Variants in FAM184A observed in about 807,000 individuals in gnomAD.
FAM184A encodes family with sequence similarity 184 member A, also known as protein FAM184A.
In FAM184A, 99 loss-of-function variants were observed where a neutral mutation model predicts 143.8. The observed-to-expected ratio is 0.69, with a 90% CI of 0.58 to 0.81. The LOEUF (loss-of-function observed/expected upper bound fraction) is 0.81. Among genes scored for constraint, FAM184A ranks in the 40% least tolerant of loss-of-function variants. The pLI is 0.00. For missense variants in FAM184A, 1,217 were observed against 1,310.5 expected, an observed-to-expected ratio of 0.93 and a Z score of 1.10; for synonymous variants, 427 against 446.4, an observed-to-expected ratio of 0.96 and a Z score of 0.55.
chr6:119,131,101 C>T (rs993255898), intron 1 of FAM184A, among the ~76,000 whole-genome samples: 1 of 152,016 alleles, frequency 6.6e-6, no homozygotes, highest in Admixed American at 6.6e-5. Flanking sequence ...TCAGGTGATC[C>T]ACCCTTCTCT....
chr6:119,136,207 A>G lies in FAM184A; in HGVS notation c.-202+12871T>C, dbSNP rs992986403. Among the ~76,000 whole-genome samples, 79 of 143,128 alleles carry G rather than the reference A, an allele frequency of 5.5e-4. 3 individuals are homozygous for G. Among genetic ancestry groups the G allele is most frequent in the Non-Finnish European group, 1.1e-4 (7 of 66,398 alleles). The allele number at this position is 143,128 out of a possible 152,430, so 93.9% of individuals were successfully genotyped here. On this transcript the variant is annotated intron_variant, in intron 1 of 16. Coordinates refer to the FAM184A transcript ENST00000352896. ...GCAGGAGAATGGCGTGAACCCGGGA[A>G]GCGGAGCTTGCAGTGAGCCGAGATT...
intron 1 of FAM184A, among the ~76,000 whole-genome samples, chr6:119,090,575 C>T (rs550906631): frequency 2.6e-5 from 4 of 152,184 alleles, no homozygotes; most frequent in Non-Finnish European, 5.9e-5. Flanking sequence ...CATTTTTGCT[C>T]TATATGAAAT....
chr6:119,144,853 C>T (rs1772371297), intron 1 of FAM184A, among the ~76,000 whole-genome samples: 1 of 152,192 alleles, frequency 6.6e-6, no homozygotes, highest in Admixed American at 6.5e-5. Flanking sequence ...GTTTGCACCC[C>T]TGCTTGTCTT....
intron 1 of FAM184A, among the ~76,000 whole-genome samples, chr6:119,051,048 C>A (rs1201434629): frequency 6.6e-6 from 1 of 152,074 alleles, no homozygotes; most frequent in African/African-American, 2.4e-5. Context: ...GGGTACTAGG[C>A]TTAACACCTG....
At chr6:119,006,020 A>T (rs542002082) in intron 7 of FAM184A, 1 of 715,934 alleles carries the variant, frequency 1.4e-6, no homozygotes, top group African/African-American at 1.7e-5. Context: ...CTTTATTTGG[A>T]AATACAGTCA....
chr6:118,986,508 A>G (rs1784201575), intron 9 of FAM184A, among the ~76,000 whole-genome samples: 2 of 152,242 alleles, frequency 1.3e-5, no homozygotes, highest in Non-Finnish European at 2.9e-5. Context: ...GCACTCTGAC[A>G]AAGTCATGTT....
At chr6:119,042,093 G>A (rs150944238) in intron 1 of FAM184A, among the ~76,000 whole-genome samples, 2 of 152,222 alleles carry the variant, frequency 1.3e-5, no homozygotes, top group East Asian at 3.9e-4. Context: ...CAGAACTGAC[G>A]GTACATGGCA....
At chr6:119,084,000 T>G (rs951893656) in intron 1 of FAM184A, among the ~76,000 whole-genome samples, 1 of 152,128 alleles carries the variant, frequency 6.6e-6, no homozygotes, top group Non-Finnish European at 1.5e-5. Flanking sequence ...CAGTTCCACA[T>G]TCTGGGGAGA....
At chr6:119,134,563 AG>A in intron 1 of FAM184A, among the ~76,000 whole-genome samples, 1 of 150,880 alleles carries the variant, frequency 6.6e-6, no homozygotes, top group African/African-American at 2.4e-5. Context: ...CTGAAGCAGG[AG>A]GATCACTTGA....
intron 14 of FAM184A, among the ~76,000 whole-genome samples, chr6:118,970,009 T>TATATATATATATATATA (rs1491454245): frequency 2.6e-4 from 6 of 23,272 alleles, no homozygotes; most frequent in Non-Finnish European, 8.2e-5. Context: ...TATATATATA[T>TATATATATATATATATA]TTTTTTTTTT....
intron 1 of FAM184A, among the ~76,000 whole-genome samples, chr6:119,127,313 G>A (rs1789396718): frequency 6.6e-6 from 1 of 152,158 alleles, no homozygotes; most frequent in Non-Finnish European, 1.5e-5. Context: ...TTGAAAAACT[G>A]GGAAAAGGTG....
intron 5 of FAM184A, among the ~76,000 whole-genome samples, chr6:119,014,764 A>C (rs1785186885): frequency 6.6e-6 from 1 of 152,196 alleles, no homozygotes; most frequent in South Asian, 2.1e-4. Flanking sequence ...AAACCATCAA[A>C]ATGAAGGAAA....
In FAM184A at chr6:119,003,640, T is replaced by C. The variant is rs1483813034; in HGVS notation, c.1816-18A>G. On this transcript the variant is annotated intron_variant, in intron 7 of 17. Transcript: ENST00000338891. Reference sequence around the variant, plus strand: ...AGCTCACCCTGAAGAATAAAAACTTTTCAATGAAGACTAAACTTCAAAAAC... The same window carrying C: ...AGCTCACCCTGAAGAATAAAAACTTCTCAATGAAGACTAAACTTCAAAAAC... The C allele has an allele frequency of 1.9e-6, 3 of 1,588,466 alleles. No individual in the cohort carries two copies. The African/African-American group carries it at 4.1e-5, about 22-fold the overall frequency.
intron 1 of FAM184A, among the ~76,000 whole-genome samples, chr6:119,128,792 T>G (rs1250030741): frequency 2.6e-5 from 4 of 152,170 alleles, no homozygotes; most frequent in Admixed American, 1.3e-4. Context: ...TATATTTCTT[T>G]GACATATTTT....
intron 1 of FAM184A, chr6:119,069,188 CAAT>C (rs1279954000): frequency 1.8e-5 from 4 of 227,446 alleles, no homozygotes; most frequent in Non-Finnish European, 4.0e-5. Flanking sequence ...GTACCAAGCA[CAAT>C]GTCTTTCATA....
chr6:119,087,472 T>C (rs1232367842), intron 1 of FAM184A, among the ~76,000 whole-genome samples: 1 of 152,120 alleles, frequency 6.6e-6, no homozygotes, highest in Non-Finnish European at 1.5e-5. Flanking sequence ...AGATGGCTAA[T>C]AAACACATAA....
intron 1 of FAM184A, among the ~76,000 whole-genome samples, chr6:119,140,001 C>T (rs1484568390): frequency 1.3e-5 from 2 of 152,218 alleles, no homozygotes; most frequent in Non-Finnish European, 2.9e-5. Context: ...TGGGGCTGCC[C>T]AGGGTGGCTT....
chr6:118,982,657 G>T (rs554795783), intron 9 of FAM184A, among the ~76,000 whole-genome samples: 12 of 152,180 alleles, frequency 7.9e-5, no homozygotes, highest in Non-Finnish European at 1.0e-4. Flanking sequence ...CAATTAGTAG[G>T]AAACCAATCA....
upstream of FAM184A, among the ~76,000 whole-genome samples, chr6:119,082,737 C>T (rs567909715): frequency 6.6e-6 from 1 of 152,218 alleles, no homozygotes; most frequent in South Asian, 2.1e-4. Context: ...GGATGCAGCC[C>T]CCATGGCTGC....
Sources: gnomAD v4.1 joint callset for allele counts (sites outside exome capture counted in the v4.1 genomes callset) on GRCh38, gnomAD v4.1.1 for gene constraint, MANE v1.5 for transcripts, NCBI Gene and HGNC (gene_info 2026-07-23, HGNC 2026-07-21) for gene names.